Variants in KANSL3 observed in about 807,000 individuals in gnomAD.
The protein encoded by KANSL3 is NSL complex protein NSL3.
Under a neutral mutation model 89.2 loss-of-function variants are expected in KANSL3, and 16 were observed. The observed-to-expected ratio is 0.18, with a 90% confidence interval of 0.12 to 0.27. The LOEUF is 0.27. KANSL3 is among the 10% of genes least tolerant of loss of function. The probability of loss-of-function intolerance (pLI) is 1.00; values close to 1 mark genes in which losing one functional copy is unlikely to be tolerated. For missense variants in KANSL3, 879 were observed against 1,110.6 expected (o/e 0.79, Z 2.96); for synonymous variants, 385 against 419.7 (o/e 0.92, Z 1.01).
intron 5 of KANSL3, chr2:96,615,410 T>A (rs1444370728): frequency 2.8e-5 from 19 of 688,376 alleles, no homozygotes; most frequent in South Asian, 2.5e-4. Flanking sequence ...GTGTACTTTA[T>A]CTCATGTCTG....
intron 20 of KANSL3, chr2:96,598,064 A>G: frequency 1.0e-6 from 1 of 983,180 alleles, no homozygotes; most frequent in Non-Finnish European, 1.2e-6. Flanking sequence ...AGGCCATGGC[A>G]AGCTGAGACG....
At chr2:96,591,585 T>C (rs1485902834), downstream of KANSL3, among the ~76,000 whole-genome samples, 3 of 152,182 alleles carry the variant, frequency 2.0e-5, no homozygotes, top group Non-Finnish European at 4.4e-5. Context: ...AGTCCAGCAG[T>C]GTTTTGCTTT....
At position 96,607,244 on chromosome 2, in the gene KANSL3, A is replaced by G. The variant is rs549506703; in HGVS notation, c.1741+1264T>C. On this transcript the variant is annotated intron_variant, in intron 14 of 20. Coordinates refer to ENST00000431828, the MANE Select transcript of KANSL3 (RefSeq NM_001115016.3). Reference sequence around the variant, plus strand: ...ATAGTACTATCTGCCTCATGGGGCCATGCCAAAACTCAACAAACTACAGCA... The same window carrying G: ...ATAGTACTATCTGCCTCATGGGGCCGTGCCAAAACTCAACAAACTACAGCA... 1.1e-4 allele frequency among the ~76,000 whole-genome samples: 17 copies of G among 152,306 alleles called. No individual in the cohort carries two copies. In the East Asian group the frequency reaches 2.7e-3, roughly 24 times the overall value.
chr2:96,626,254 A>T (rs2072280686), intron 3 of KANSL3, among the ~76,000 whole-genome samples: 1 of 152,160 alleles, frequency 6.6e-6, no homozygotes, highest in Non-Finnish European at 1.5e-5. Flanking sequence ...AAGGAGACAC[A>T]AAGTACATCA....
In KANSL3 at chr2:96,602,757, G is replaced by A; in HGVS notation, c.2255C>T (p.Pro752Leu). Reference sequence around the variant, plus strand: ...CAGCAGATGGCAGATGTGCACCTGTGGGGCTGGTCCTGGGGAGGGATTTGC... The same window carrying A: ...CAGCAGATGGCAGATGTGCACCTGTAGGGCTGGTCCTGGGGAGGGATTTGC... ...LPANPSPGPA[P>L]QATSVKLPTP... is the part of the protein sequence containing the mutation. Residue 752 changes from proline to leucine, a missense_variant, in exon 18 of 21, where the codon CCA becomes CTA. Pro to Leu is a moderately conservative substitution (Grantham distance 98). Around this residue, in one of 6 missense-constraint regions of KANSL3, gnomAD observed 89 missense variants for 139.7 expected, o/e 0.64. Coordinates refer to ENST00000431828, the MANE Select transcript of KANSL3 (RefSeq NM_001115016.3). The A allele has an allele frequency of 6.3e-7, 1 of 1,593,808 alleles. No homozygotes were observed. Among genetic ancestry groups the A allele is most frequent in the South Asian group, 1.1e-5 (1 of 87,022 alleles).
At chr2:96,628,839 A>C (rs2072878936) in intron 3 of KANSL3, among the ~76,000 whole-genome samples, 2 of 152,050 alleles carry the variant, frequency 1.3e-5, no homozygotes, top group African/African-American at 4.8e-5. Context: ...GTAGTAGAAA[A>C]TACCACAAAG....
chr2:96,607,138 C>G, intron 14 of KANSL3: 1 of 713,100 alleles, frequency 1.4e-6, no homozygotes, highest in Non-Finnish European at 2.1e-6. Context: ...TAGAAAATGG[C>G]CAATAGGGGC....
At position 96,602,150 on chromosome 2, in the gene KANSL3, G is replaced by A; in HGVS notation, c.2448C>T (p.Leu816=). The change falls in exon 19 of 21, where the codon CTC becomes CTT. Residue 816 remains leucine, a synonymous_variant. Transcript: ENST00000431828. The stretch of plus-strand genomic sequence containing the variant: ...GGTTAGAGATCTGAGCCAGGCCAGG[G>A]AGGCTGCTTGCCAACTTAGCGAGGC... ...NGGLAKLASS[L]PGLAQISNQA... 6.3e-7 allele frequency: 1 copy of A among 1,593,474 alleles called. No homozygotes were observed. The highest frequency in any genetic ancestry group is 8.5e-7 in the Non-Finnish European group (1 of 1,170,114).
the KANSL3 span, among the ~76,000 whole-genome samples, chr2:96,587,535 G>C: frequency 6.6e-6 from 1 of 152,180 alleles, no homozygotes; most frequent in African/African-American, 2.4e-5. Context: ...TGAGAGCAGT[G>C]TCAGATGAGG....
chr2:96,630,910 T>G (rs1196226014), intron 3 of KANSL3, among the ~76,000 whole-genome samples: 1 of 152,254 alleles, frequency 6.6e-6, no homozygotes, highest in Non-Finnish European at 1.5e-5. Context: ...ACAACTTCCA[T>G]CATCCTAGTT....
chr2:96,600,497 AT>A (rs2067020200), intron 20 of KANSL3: 2 of 985,292 alleles, frequency 2.0e-6, no homozygotes, highest in African/African-American at 3.5e-5. Flanking sequence ...TCTGTGCAGT[AT>A]TTTCCCTAAA....
chr2:96,615,509 G>A lies in KANSL3; in HGVS notation c.664-1890C>T, dbSNP rs747998659. ...ATGCTTACACTGAGAAGAAATATCT[G>A]CGAATTCCATGCTACCCACAAAAGG... is the stretch of plus-strand genomic sequence containing the variant. On this transcript the variant is annotated intron_variant, in intron 5 of 20. Coordinates refer to ENST00000431828, the MANE Select transcript of KANSL3 (RefSeq NM_001115016.3). 12 of 1,287,416 alleles carry A rather than the reference G, an allele frequency of 9.3e-6. No individual in the cohort carries two copies. The South Asian group carries it at 1.5e-4, about 16-fold the overall frequency. 79.7% of individuals were successfully genotyped at this position (1,287,416 alleles called of 1,614,324 possible). A position where few individuals can be genotyped will look rare whatever the true frequency, so the allele number is the denominator to read the frequency against.
chr2:96,616,670 G>C (rs2070187194), intron 5 of KANSL3, among the ~76,000 whole-genome samples: 2 of 152,342 alleles, frequency 1.3e-5, no homozygotes, highest in South Asian at 4.1e-4. Context: ...TCCGATGGCA[G>C]AGGAACCACT....
chr2:96,611,162 C>T (rs1318030936), intron 9 of KANSL3, 24 bp from the exon 10 acceptor site: 1 of 1,607,332 alleles, frequency 6.2e-7, no homozygotes, highest in Non-Finnish European at 8.5e-7. Context: ...AACAGTTTGT[C>T]TAAACGTCAA....
At chr2:96,587,970 A>C in the KANSL3 span, among the ~76,000 whole-genome samples, 1 of 152,350 alleles carries the variant, frequency 6.6e-6, no homozygotes, top group Middle Eastern at 3.4e-3. Flanking sequence ...AAAAGAGAAC[A>C]AACCAACAGA....
chr2:96,595,750 T>A, intron 20 of KANSL3, 119 bp from the exon 21 acceptor site: 4 of 1,193,318 alleles, frequency 3.4e-6, no homozygotes, highest in Non-Finnish European at 4.7e-6. Context: ...TAATTCTCAA[T>A]AGGAAAGAAG....
the KANSL3 span, among the ~76,000 whole-genome samples, chr2:96,585,850 A>T: frequency 6.6e-6 from 1 of 152,226 alleles, no homozygotes; most frequent in Non-Finnish European, 1.5e-5. Context: ...TTTTAAGTGA[A>T]GTAACTCAGG....
intron 9 of KANSL3, 101 bp from the exon 10 acceptor site, chr2:96,611,239 C>A: frequency 1.1e-6 from 1 of 887,266 alleles, no homozygotes; most frequent in Admixed American, 1.8e-5. Context: ...ACAGTCTCAC[C>A]TCTTCCTCTC....
chr2:96,633,081 C>T (rs1253198848), intron 2 of KANSL3, among the ~76,000 whole-genome samples: 1 of 150,684 alleles, frequency 6.6e-6, no homozygotes, highest in African/African-American at 2.4e-5. Flanking sequence ...ACAAGTTCAA[C>T]AGTGTGGGCA....
Sources: allele counts gnomAD v4.1 joint callset (sites outside exome capture counted in the v4.1 genomes callset), GRCh38; gene constraint gnomAD v4.1.1; regional missense constraint gnomAD v4.1.1; transcripts MANE v1.5; gene names NCBI Gene and HGNC (gene_info 2026-07-23, HGNC 2026-07-21).